RANBP17: variants seen among roughly 807,000 people sequenced by gnomAD.
RANBP17 encodes ran-binding protein 17.
In RANBP17, 158 loss-of-function variants were observed where a neutral mutation model predicts 141.2. The ratio of observed to expected loss-of-function variants is 1.12; its 90% CI spans 0.98 to 1.28. The LOEUF (loss-of-function observed/expected upper bound fraction) is 1.28. Ranked by LOEUF, RANBP17 falls within the 50% of genes most tolerant of loss-of-function variation. RANBP17 has a pLI of 0.00. For synonymous variants in RANBP17, 430 were observed against 450.0 expected, an observed-to-expected ratio of 0.96 and a Z score of 0.56; for missense variants, 1,438 against 1,290.7, an observed-to-expected ratio of 1.11 and a Z score of -1.75.
chr5:171,013,508 A>G (rs942037013), intron 14 of RANBP17, among the ~76,000 whole-genome samples: 3 of 152,248 alleles, frequency 2.0e-5, no homozygotes, highest in East Asian at 1.9e-4. Context: ...TTGCAGCACT[A>G]TTAGTTGAAA....
chr5:170,878,097 A>C lies in RANBP17; in HGVS notation c.19A>C (p.Ser7Arg), dbSNP rs1440554721. The stretch of plus-strand genomic sequence containing the variant: ...AATGTTAATTTTTTTTTCTTTGAAG[A>C]GTTTGGCTGAATTGGAAGTGTTATG... The part of the protein sequence containing the change: MALHFQ[S>R]LAELEVLCTH... Residue 7 changes from serine (S) to arginine (R), a missense_variant and splice_region_variant, in exon 2 of 28, where the codon AGT (serine) becomes CGT (arginine). Ser to Arg is a moderately radical substitution (Grantham distance 110). Transcript: ENST00000523189. 1 of 1,542,170 alleles carries C rather than the reference A, an allele frequency of 6.5e-7. No individual in the cohort carries two copies. The highest frequency in any genetic ancestry group is 8.7e-7 in the Non-Finnish European group (1 of 1,146,176).
chr5:171,281,765 T>C (rs1229491038), intron 25 of RANBP17, among the ~76,000 whole-genome samples: 1 of 152,184 alleles, frequency 6.6e-6, no homozygotes, highest in Non-Finnish European at 1.5e-5. Flanking sequence ...TAATAGAATA[T>C]TATTGACTTG....
intron 14 of RANBP17, among the ~76,000 whole-genome samples, chr5:171,153,581 A>G: frequency 6.6e-6 from 1 of 152,178 alleles, no homozygotes. Context: ...TAACTGATGA[A>G]ATCTTGGGGA....
chr5:171,249,510 T>C (rs1204950845), intron 24 of RANBP17, among the ~76,000 whole-genome samples: 1 of 152,094 alleles, frequency 6.6e-6, no homozygotes, highest in Non-Finnish European at 1.5e-5. Context: ...AAGAGAAATC[T>C]GAAAAACAAT....
intron 19 of RANBP17, among the ~76,000 whole-genome samples, 164 bp downstream of exon 19, chr5:171,199,937 T>C (rs190514980): frequency 1.3e-5 from 2 of 152,332 alleles, no homozygotes; most frequent in African/African-American, 2.4e-5. Flanking sequence ...TTTTCTAGTT[T>C]CTTAGACAAA....
intron 14 of RANBP17, among the ~76,000 whole-genome samples, chr5:171,154,230 C>G (rs772186346): frequency 6.6e-6 from 1 of 151,790 alleles, no homozygotes; most frequent in African/African-American, 2.4e-5. Context: ...CAAGAACTAC[C>G]TGCTATTTCC....
chr5:170,981,021 G>C (rs1581305357), intron 14 of RANBP17, among the ~76,000 whole-genome samples: 1 of 152,322 alleles, frequency 6.6e-6, no homozygotes, highest in East Asian at 1.9e-4. Context: ...CTGGATGTGA[G>C]ACATGGAGGC....
chr5:171,272,480 A>AT (rs1767185399), intron 25 of RANBP17, among the ~76,000 whole-genome samples: 1 of 152,170 alleles, frequency 6.6e-6, no homozygotes, highest in Non-Finnish European at 1.5e-5. Flanking sequence ...AAGGTGTAGT[A>AT]TTATCATTAC....
intron 24 of RANBP17, among the ~76,000 whole-genome samples, chr5:171,263,270 C>T (rs1040977779): frequency 2.4e-4 from 37 of 152,188 alleles, no homozygotes; most frequent in African/African-American, 8.7e-4. Context: ...AGTCTACCTG[C>T]TCACCATTTT....
intron 14 of RANBP17, among the ~76,000 whole-genome samples, chr5:170,999,648 G>T (rs1430038840): frequency 2.6e-5 from 4 of 152,136 alleles, no homozygotes; most frequent in African/African-American, 9.7e-5. Context: ...TGAAATATGT[G>T]TCTTGAGATA....
intron 14 of RANBP17, among the ~76,000 whole-genome samples, chr5:171,025,209 A>G (rs372694876): frequency 6.6e-6 from 1 of 152,224 alleles, no homozygotes; most frequent in Non-Finnish European, 1.5e-5. Context: ...CCACATATCC[A>G]TTCTCAAAGT....
At chr5:170,954,030 A>G (rs141363498) in intron 13 of RANBP17, among the ~76,000 whole-genome samples, 124 of 152,298 alleles carry the variant, frequency 8.1e-4, no homozygotes, top group Non-Finnish European at 1.5e-3. Flanking sequence ...ACATACATCC[A>G]ATCAGAAAGT....
intron 8 of RANBP17, among the ~76,000 whole-genome samples, chr5:170,914,911 A>G (rs1771823255): frequency 6.6e-6 from 1 of 152,182 alleles, no homozygotes; most frequent in Non-Finnish European, 1.5e-5. Flanking sequence ...CCATTTTCTG[A>G]AAAACATATT....
At chr5:171,220,975 A>G (rs1763522586) in intron 21 of RANBP17, among the ~76,000 whole-genome samples, 1 of 152,140 alleles carries the variant, frequency 6.6e-6, no homozygotes, top group Non-Finnish European at 1.5e-5. Flanking sequence ...AAAAGCAAAA[A>G]TTTGTTTTAT....
intron 14 of RANBP17, among the ~76,000 whole-genome samples, chr5:171,164,271 C>G (rs1227720992): frequency 6.6e-6 from 1 of 152,082 alleles, no homozygotes; most frequent in Admixed American, 6.5e-5. Context: ...GAGTTATAAC[C>G]AGAATGTTAG....
chr5:171,140,902 A>G (rs1462209125), intron 14 of RANBP17, among the ~76,000 whole-genome samples: 2 of 152,160 alleles, frequency 1.3e-5, no homozygotes, highest in African/African-American at 4.8e-5. Context: ...AGAATATTCC[A>G]CACTACCTGT....
chr5:170,967,307 A>G (rs1430210718), intron 13 of RANBP17, among the ~76,000 whole-genome samples: 2 of 152,124 alleles, frequency 1.3e-5, no homozygotes, highest in Non-Finnish European at 2.9e-5. Context: ...ATGTGTGTAT[A>G]TATGTTCATG....
chr5:171,010,064 C>G (rs1779926872), intron 14 of RANBP17, among the ~76,000 whole-genome samples: 1 of 152,178 alleles, frequency 6.6e-6, no homozygotes, highest in African/African-American at 2.4e-5. Flanking sequence ...TGAGAGTGAT[C>G]CCAGAAAGGA....
intron 6 of RANBP17, 177 bp downstream of exon 6, chr5:170,909,942 C>T (rs1354333854): frequency 2.2e-6 from 1 of 461,528 alleles, no homozygotes; most frequent in Non-Finnish European, 3.8e-6. Flanking sequence ...TTCACTTTTA[C>T]TCACTGGGCA....
Sources: allele counts gnomAD v4.1 joint callset (sites outside exome capture counted in the v4.1 genomes callset), GRCh38; gene constraint gnomAD v4.1.1; transcripts MANE v1.5; gene names NCBI Gene and HGNC (gene_info 2026-07-23, HGNC 2026-07-21).